UNC45B: variants seen among roughly 807,000 people sequenced by gnomAD.
UNC45B encodes protein unc-45 homolog B.
In UNC45B, 78 loss-of-function variants were observed where a neutral mutation model predicts 98.7. The ratio of observed to expected loss-of-function variants is 0.79; its 90% confidence interval spans 0.66 to 0.95. The LOEUF is 0.95. Ranked by LOEUF, UNC45B falls within the 40% of genes least tolerant of loss-of-function variation. The pLI, the probability that UNC45B is intolerant of heterozygous loss-of-function variation, is 0.00. For missense variants in UNC45B, 1,225 were observed against 1,184.9 expected, an observed-to-expected ratio of 1.03 and a Z score of -0.50; for synonymous variants, 462 against 480.4, an observed-to-expected ratio of 0.96 and a Z score of 0.50.
chr17:35,148,012 C>T (rs566432892), intron 1 of UNC45B, 102 bp downstream of exon 1: 29 of 505,216 alleles, frequency 5.7e-5, no homozygotes, highest in African/African-American at 2.3e-4. Context: ...TAAGCAGCTT[C>T]GCCTGCTCAG....
At chr17:35,162,272 G>C (rs889780801) in intron 8 of UNC45B, among the ~76,000 whole-genome samples, 1 of 152,130 alleles carries the variant, frequency 6.6e-6, no homozygotes, top group African/African-American at 2.4e-5. Context: ...AGTCTTGTGG[G>C]ATTGAGCCCT....
At chr17:35,154,322 T>C (rs2092042479) in intron 5 of UNC45B, among the ~76,000 whole-genome samples, 5 of 152,262 alleles carry the variant, frequency 3.3e-5, no homozygotes. Context: ...TCCATTGCTC[T>C]TAGTCTTTTT....
chr17:35,171,436 C>T lies in UNC45B; in HGVS notation c.1804C>T (p.Gln602Ter). Residue 602 changes from glutamine (Q) to a stop codon, truncating the protein, a stop_gained, in exon 13 of 20, where the codon CAG (glutamine) becomes TAG (stop). Transcript: ENST00000394570. LOFTEE classifies it high-confidence loss of function. The stretch of plus-strand genomic sequence containing the variant: ...TGTCCAGCTCGCCAAGTTCTCCAAG[C>T]AGCATGTGCCCGAGGAACACCCCAA... The part of the protein sequence containing the change: ...ELVQLAKFSK[Q>*]HVPEEHPKDK... The T allele has an allele frequency of 6.2e-7, 1 of 1,614,148 alleles. No individual in the cohort carries two copies. The highest frequency in any genetic ancestry group is 8.5e-7 in the Non-Finnish European group (1 of 1,180,018).
At chr17:35,170,349 T>C in intron 12 of UNC45B, 94 bp downstream of exon 12, 2 of 1,392,292 alleles carry the variant, frequency 1.4e-6, no homozygotes, top group Non-Finnish European at 1.9e-6. Flanking sequence ...TCCTCCTGGC[T>C]CTACTCCTTA....
rs202140261 is a variant in UNC45B, at chr17:35,150,033, G to A, written c.206-15G>A. On this transcript the variant is annotated splice_polypyrimidine_tract_variant and intron_variant, in intron 3 of 19. Transcript: ENST00000394570. ...TGGCTCCCTAAGGTCCTCATCCCCC[G>A]TCTCCCCTCGATAGCCATCGACATC... 4.0e-4 allele frequency: 627 copies of A among 1,579,918 alleles called. 2 individuals carry two copies. The highest frequency in any genetic ancestry group is 3.9e-4 in the African/African-American group (29 of 74,278).
chr17:35,172,177 T>C (rs1343271826), intron 13 of UNC45B, among the ~76,000 whole-genome samples: 4 of 152,202 alleles, frequency 2.6e-5, no homozygotes, highest in Non-Finnish European at 5.9e-5. Context: ...TTAGAATATA[T>C]TTATCATTTT....
chr17:35,168,924 C>T (rs2092162132), intron 10 of UNC45B, among the ~76,000 whole-genome samples: 2 of 152,154 alleles, frequency 1.3e-5, no homozygotes, highest in Admixed American at 1.3e-4. Flanking sequence ...CCAGGCTGGT[C>T]CTGAACTCCT....
chr17:35,164,959 G>T (rs2142556149), intron 9 of UNC45B, among the ~76,000 whole-genome samples: 1 of 151,836 alleles, frequency 6.6e-6, no homozygotes, highest in South Asian at 2.1e-4. Flanking sequence ...GCCTCAGCCT[G>T]CTGGGCTCAA....
At chr17:35,158,207 A>G (rs770884389) in intron 7 of UNC45B, among the ~76,000 whole-genome samples, 13 of 152,166 alleles carry the variant, frequency 8.5e-5, no homozygotes, top group Non-Finnish European at 1.8e-4. Context: ...CTGACTTACT[A>G]TTATTATAAT....
At chr17:35,169,738 G>T (rs73989553) in intron 10 of UNC45B, 99 bp from the exon 11 acceptor site, 3 of 1,014,564 alleles carry the variant, frequency 3.0e-6, no homozygotes, top group Non-Finnish European at 4.6e-6. Context: ...AAAGAGGGGC[G>T]AAGTGTTCTG....
At chr17:35,178,513 C>A (rs1326336027) in intron 17 of UNC45B, among the ~76,000 whole-genome samples, 1 of 152,062 alleles carries the variant, frequency 6.6e-6, no homozygotes, top group Non-Finnish European at 1.5e-5. Context: ...ATGATAGTTT[C>A]TTTTGCTGTG....
chr17:35,160,315 T>C (rs1228506047), intron 8 of UNC45B, among the ~76,000 whole-genome samples: 1 of 152,258 alleles, frequency 6.6e-6, no homozygotes, highest in African/African-American at 2.4e-5. Flanking sequence ...TAACCTTTTA[T>C]CTGTAGCTAT....
In UNC45B at chr17:35,155,362, G is replaced by A. The variant is rs750295341; in HGVS notation, c.706G>A (p.Glu236Lys). ...TAGCCTCATGGCCGTGGAGAATGAGGAGATGTCTCTGGCTGTCTGCAACCT... is the reference window on the plus strand; with the variant it reads ...TAGCCTCATGGCCGTGGAGAATGAGAAGATGTCTCTGGCTGTCTGCAACCT... The part of the protein sequence containing the change: ...ICSLMAVENE[E>K]MSLAVCNLLQ... Residue 236 changes from glutamate (E) to lysine (K), a missense_variant, in exon 7 of 20, where the codon GAG (glutamate) becomes AAG (lysine). Coordinates refer to ENST00000394570, the MANE Select transcript of UNC45B (RefSeq NM_001267052.2). 1 of 1,614,012 alleles carries A rather than the reference G, an allele frequency of 6.2e-7. No homozygotes were observed. Among genetic ancestry groups the A allele is most frequent in the African/African-American group, 1.3e-5 (1 of 74,932 alleles).
intron 3 of UNC45B, among the ~76,000 whole-genome samples, chr17:35,149,387 T>C (rs2092000032): frequency 1.3e-5 from 2 of 151,958 alleles, no homozygotes; most frequent in African/African-American, 2.4e-5. Flanking sequence ...GTTGTTGTTG[T>C]TGTTTGTTTT....
In UNC45B at chr17:35,154,753, G is replaced by A; in HGVS notation, c.639+12G>A. On this transcript the variant is annotated intron_variant, in intron 6 of 19. Coordinates refer to ENST00000394570, the MANE Select transcript of UNC45B (RefSeq NM_001267052.2). ...GCCACCAAGCCAGAGTAAGTGCCCGGCTGTGGGGCATGTGGAGCAGACGAC... is the reference window on the plus strand; with the variant it reads ...GCCACCAAGCCAGAGTAAGTGCCCGACTGTGGGGCATGTGGAGCAGACGAC... The A allele has an allele frequency of 1.9e-6, 3 of 1,567,528 alleles. No individual in the cohort carries two copies. Among genetic ancestry groups the A allele is most frequent in the Non-Finnish European group, 2.6e-6 (3 of 1,162,406 alleles).
chr17:35,172,328 C>A (rs979972415), intron 13 of UNC45B, among the ~76,000 whole-genome samples: 2 of 151,970 alleles, frequency 1.3e-5, no homozygotes, highest in Non-Finnish European at 2.9e-5. Flanking sequence ...CGGCTCAATG[C>A]AACCTCTGCC....
chr17:35,186,767 T>C lies in UNC45B; in HGVS notation c.*208T>C. ...ATGTTTCACTCTCTCTCTTGCTTCC[T>C]GTCTCCTTATATTTGTCATGTTTCA... On this transcript the variant is annotated 3_prime_UTR_variant, in exon 20 of 20. Transcript: ENST00000394570. 2.0e-6 allele frequency: 1 copy of C among 498,168 alleles called. No homozygotes were observed. Among genetic ancestry groups the C allele is most frequent in the Non-Finnish European group, 3.5e-6 (1 of 288,146 alleles). 30.9% of individuals were successfully genotyped at this position (498,168 alleles called of 1,614,324 possible).
chr17:35,172,280 T>C (rs536112791), intron 13 of UNC45B, among the ~76,000 whole-genome samples: 1 of 152,276 alleles, frequency 6.6e-6, no homozygotes, highest in Admixed American at 6.5e-5. Flanking sequence ...GACAGAGTCT[T>C]GCTCTGTCAC....
intron 5 of UNC45B, 58 bp downstream of exon 5, chr17:35,153,040 C>A: frequency 6.9e-7 from 1 of 1,457,192 alleles, no homozygotes; most frequent in East Asian, 2.3e-5. Flanking sequence ...TGGACAGTGA[C>A]ATCATTCCGA....
Sources: gnomAD v4.1 joint callset for allele counts (sites outside exome capture counted in the v4.1 genomes callset) on GRCh38, gnomAD v4.1.1 for gene constraint, MANE v1.5 for transcripts, NCBI Gene and HGNC (gene_info 2026-07-23, HGNC 2026-07-21) for gene names.